SETD2: variants seen among roughly 807,000 people sequenced by gnomAD.
SETD2 encodes histone-lysine N-methyltransferase SETD2.
Under a neutral mutation model 242.1 loss-of-function variants are expected in SETD2, and 31 were observed. That is an observed-to-expected ratio of 0.13 (90% CI 0.10 to 0.17). The LOEUF is 0.17. Ranked by LOEUF, SETD2 falls within the 10% of genes least tolerant of loss-of-function variation. The pLI is 1.00. For synonymous variants in SETD2, 1,006 were observed against 1,066.5 expected (o/e 0.94, Z 1.11); for missense variants, 2,481 against 3,046.3 (o/e 0.81, Z 4.37).
intron 12 of SETD2, among the ~76,000 whole-genome samples, chr3:47,075,564 C>CAAAAAAAAA: frequency 1.3e-5 from 1 of 76,456 alleles, no homozygotes; most frequent in Non-Finnish European, 2.5e-5. Context: ...AACTCCGTCT[C>CAAAAAAAAA]AAAAAAAAAA....
intron 19 of SETD2, 66 bp downstream of exon 19, chr3:47,019,694 G>A: frequency 7.4e-7 from 1 of 1,345,568 alleles, no homozygotes; most frequent in Non-Finnish European, 1.1e-6. Context: ...ACATACTTAG[G>A]ACAAGAAATG....
chr3:47,130,510 G>A (rs952726952), intron 1 of SETD2, among the ~76,000 whole-genome samples: 10 of 152,206 alleles, frequency 6.6e-5, no homozygotes, highest in African/African-American at 2.2e-4. Context: ...TAATACAATT[G>A]TGAGACCACA....
intron 5 of SETD2, among the ~76,000 whole-genome samples, chr3:47,111,210 G>T (rs995658678): frequency 2.0e-4 from 30 of 151,872 alleles, no homozygotes; most frequent in Admixed American, 7.9e-4. Context: ...TCAATGGGCT[G>T]CTTTGAGAGG....
intron 12 of SETD2, among the ~76,000 whole-genome samples, chr3:47,078,914 G>A (rs12108126): frequency 7.2e-5 from 11 of 151,832 alleles, no homozygotes; most frequent in Non-Finnish European, 1.2e-4. Flanking sequence ...AGTTTTTGTA[G>A]AGACAGGGTT....
chr3:47,052,490 T>C (rs566137532), intron 15 of SETD2, among the ~76,000 whole-genome samples: 133 of 152,190 alleles, frequency 8.7e-4, no homozygotes, highest in Admixed American at 2.5e-3. Flanking sequence ...CTGTATCACA[T>C]TTAAAGAGCC....
chr3:47,105,802 C>T, intron 6 of SETD2, 195 bp downstream of exon 6: 1 of 522,260 alleles, frequency 1.9e-6, no homozygotes, highest in Non-Finnish European at 3.4e-6. Flanking sequence ...ACTCAGGAAG[C>T]TGAGGCAGGA....
At chr3:47,128,909 A>AC (rs2043413076) in intron 1 of SETD2, among the ~76,000 whole-genome samples, 1 of 152,238 alleles carries the variant, frequency 6.6e-6, no homozygotes, top group Non-Finnish European at 1.5e-5. Context: ...GACAGAAGGT[A>AC]CCAGGAGATG....
chr3:47,052,580 G>C (rs187769623), intron 15 of SETD2, among the ~76,000 whole-genome samples: 244 of 152,264 alleles, frequency 1.6e-3, no homozygotes, highest in African/African-American at 5.7e-3. Context: ...ACTTTGGGAG[G>C]CCGAGGCAGG....
chr3:47,134,514 T>C (rs1353321805), intron 1 of SETD2, among the ~76,000 whole-genome samples: 5 of 152,158 alleles, frequency 3.3e-5, no homozygotes, highest in Non-Finnish European at 7.4e-5. Context: ...GGCTAGAGTT[T>C]TGGTAGGGAA....
chr3:47,037,381 G>A (rs1228591133), intron 18 of SETD2, among the ~76,000 whole-genome samples: 28 of 149,016 alleles, frequency 1.9e-4, no homozygotes, highest in African/African-American at 5.9e-4. Flanking sequence ...AACGTGCGGT[G>A]TTTGGTTTTT....
rs1456482272 is a variant in SETD2 at position 47,062,328 on chromosome 3, T to C, written c.6128A>G (p.Asp2043Gly). 1 of 1,606,084 alleles carries C rather than the reference T, an allele frequency of 6.2e-7. No individual in the cohort carries two copies. Among genetic ancestry groups the C allele is most frequent in the Non-Finnish European group, 8.5e-7 (1 of 1,177,338 alleles). The change falls in exon 14 of 21, where the codon GAT becomes GGT. Residue 2043 changes from aspartate to glycine, a missense_variant. By Grantham distance (94) the Asp-to-Gly change is moderately conservative. Transcript: ENST00000409792. ...TGTTTGATCTCTGAAGCCAACAGCA[T>C]CCCTTCCTCGTTCAGTTGCTAAGGG... The part of the protein sequence containing the change: ...KENTTTERGR[D>G]AVGFRDQTPA...
rs2107483763 is a variant in SETD2, at chr3:47,017,029, C to T, written c.*64G>A. 4 of 1,524,962 alleles carry T rather than the reference C, an allele frequency of 2.6e-6. No homozygotes were observed. Among genetic ancestry groups the T allele is most frequent in the Non-Finnish European group, 2.7e-6 (3 of 1,105,228 alleles). 94.5% of individuals were successfully genotyped at this position (1,524,962 alleles called of 1,614,324 possible). A position where few individuals can be genotyped will look rare whatever the true frequency, so the allele number is the denominator to read the frequency against. On this transcript the variant is annotated 3_prime_UTR_variant, in exon 21 of 21. Transcript: ENST00000409792. This position sits in a 1 kb window ranked among gnomAD's most constrained non-coding sequence, Gnocchi z 4.8. ...GACAGGGGTGGGACAGAAAGGCCCA[C>T]AGGATTTCCTCTCCCTAGAGTCTGT...
At chr3:47,050,452 G>T (rs1398295678) in intron 15 of SETD2, among the ~76,000 whole-genome samples, 1 of 152,076 alleles carries the variant, frequency 6.6e-6, no homozygotes, top group Non-Finnish European at 1.5e-5. Context: ...CATGGCACAT[G>T]ATTGTATTTA....
chr3:47,142,763 G>A (rs568987204), intron 1 of SETD2, among the ~76,000 whole-genome samples: 62 of 151,838 alleles, frequency 4.1e-4, no homozygotes, highest in Non-Finnish European at 7.9e-4. Flanking sequence ...CGCCTCCCAG[G>A]TTCAAGCAAT....
chr3:47,109,277 A>G (rs2042559075), intron 5 of SETD2, among the ~76,000 whole-genome samples: 1 of 152,238 alleles, frequency 6.6e-6, no homozygotes, highest in Admixed American at 6.5e-5. Flanking sequence ...GTTAATAACT[A>G]TAAAACCTAA....
At position 47,151,165 on chromosome 3, in the gene SETD2, C is replaced by T. The variant is rs150681464; in HGVS notation, c.71+12689G>A. 1.2e-4 allele frequency among the ~76,000 whole-genome samples: 19 copies of T among 152,094 alleles called. No homozygotes were observed. In the East Asian group the frequency reaches 3.3e-3, roughly 26 times the overall value. On this transcript the variant is annotated intron_variant, in intron 1 of 20. Transcript: ENST00000409792. ...ATCATGGGTCTTGAATTTTCTGATACATAGATCTACAAAATCCCTTAGGTC... is the reference window on the plus strand; with the variant it reads ...ATCATGGGTCTTGAATTTTCTGATATATAGATCTACAAAATCCCTTAGGTC...
chr3:47,069,366 T>C (rs2040711987), intron 12 of SETD2, among the ~76,000 whole-genome samples: 1 of 152,222 alleles, frequency 6.6e-6, no homozygotes, highest in African/African-American at 2.4e-5. Context: ...CCTTCCTATG[T>C]AGAAGAACTT....
intron 18 of SETD2, among the ~76,000 whole-genome samples, chr3:47,035,986 A>C (rs2038977404): frequency 6.6e-6 from 1 of 152,262 alleles, no homozygotes; most frequent in African/African-American, 2.4e-5. Flanking sequence ...GAAATTTAGC[A>C]AACTCCACAT....
intron 16 of SETD2, among the ~76,000 whole-genome samples, chr3:47,043,573 C>T (rs1297527760): frequency 6.6e-6 from 1 of 152,178 alleles, no homozygotes; most frequent in African/African-American, 2.4e-5. Flanking sequence ...AGGATATATA[C>T]TTGTTCCTTC....
Sources: gnomAD v4.1 joint callset for allele counts (sites outside exome capture counted in the v4.1 genomes callset) on GRCh38, gnomAD v4.1.1 for gene constraint, Gnocchi (gnomAD v3.1) non-coding constraint, MANE v1.5 for transcripts, NCBI Gene and HGNC (gene_info 2026-07-23, HGNC 2026-07-21) for gene names.